Variants in ASAH1 observed in about 807,000 individuals in gnomAD.
ASAH1 encodes acid ceramidase.
Under a neutral mutation model 59.5 loss-of-function variants are expected in ASAH1, and 70 were observed. The ratio of observed to expected loss-of-function variants is 1.18; its 90% confidence interval spans 0.97 to 1.43. The LOEUF (loss-of-function observed/expected upper bound fraction) is 1.43, where lower values mean the gene tolerates loss of function less well. Among genes scored for constraint, ASAH1 ranks in the 40% most tolerant of loss-of-function variants. The pLI is 0.00. For missense variants in ASAH1, 660 were observed against 482.5 expected (o/e 1.37, Z -3.45); for synonymous variants, 213 against 166.5 (o/e 1.28, Z -2.15).
At chr8:18,067,327 T>TA (rs1799973496) in intron 4 of ASAH1, 29 bp from the exon 5 acceptor site, 2 of 1,378,764 alleles carry the variant, frequency 1.5e-6, no homozygotes. Context: ...AATAAAAGCA[T>TA]TTAACATAAT....
At chr8:18,067,109 G>GCTGTATATCTAAGACATACAGCACCTGTC in intron 5 of ASAH1, 111 bp downstream of exon 5, 1 of 487,598 alleles carries the variant, frequency 2.1e-6, no homozygotes, top group Non-Finnish European at 2.8e-6. Flanking sequence ...GTGCACCTGT[G>GCTGTATATCTAAGACATACAGCACCTGTC]CTGTATATCT....
intron 1 of ASAH1, among the ~76,000 whole-genome samples, chr8:18,080,714 T>C (rs1231552816): frequency 2.0e-5 from 3 of 152,092 alleles, no homozygotes; most frequent in Admixed American, 2.0e-4. Flanking sequence ...TGAGCCACTA[T>C]GCCCAGCTAA....
At chr8:18,061,510 C>G (rs1278781952) in intron 9 of ASAH1, 52 bp from the exon 10 acceptor site, 1 of 1,509,568 alleles carries the variant, frequency 6.6e-7, no homozygotes, top group Non-Finnish European at 9.2e-7. Context: ...CACTATGTAA[C>G]CAGTCAGGAC....
At chr8:18,071,849 C>T (rs1334660170) in intron 2 of ASAH1, among the ~76,000 whole-genome samples, 1 of 152,174 alleles carries the variant, frequency 6.6e-6, no homozygotes, top group East Asian at 1.9e-4. Flanking sequence ...AGGAAGATCA[C>T]CTTTTAAGCC....
At chr8:18,070,443 T>C (rs915592052) in intron 3 of ASAH1, among the ~76,000 whole-genome samples, 11 of 152,066 alleles carry the variant, frequency 7.2e-5, no homozygotes, top group Non-Finnish European at 1.5e-4. Flanking sequence ...CCACCGCGCC[T>C]GGCCTAATTT....
chr8:18,083,634 G>A (rs143523976), intron 1 of ASAH1, among the ~76,000 whole-genome samples: 47 of 152,328 alleles, frequency 3.1e-4, no homozygotes, highest in African/African-American at 1.1e-3. Flanking sequence ...AATGCACACA[G>A]GTCCACCGGA....
chr8:18,061,239 CAT>C (rs1464606104), intron 10 of ASAH1, 136 bp downstream of exon 10: 19 of 694,440 alleles, frequency 2.7e-5, no homozygotes, highest in South Asian at 3.9e-5. Flanking sequence ...AGTAATTCCA[CAT>C]GAGTGTCAGA....
upstream of ASAH1, chr8:18,084,142 C>T (rs959674813): frequency 1.9e-6 from 3 of 1,571,730 alleles, no homozygotes; most frequent in Non-Finnish European, 2.6e-6. Context: ...ACGCCCCCTC[C>T]GCCGCGTGAC....
chr8:18,075,760 T>A, intron 1 of ASAH1, 173 bp from the exon 2 acceptor site: 1 of 632,668 alleles, frequency 1.6e-6, no homozygotes, highest in South Asian at 1.9e-5. Flanking sequence ...TCTAAAATCC[T>A]AAACCATTAA....
At position 18,061,692 on chromosome 8, in the gene ASAH1, A is replaced by G. The variant is rs751164282; in HGVS notation, c.697T>C (p.Tyr233His). 5.0e-6 allele frequency: 8 copies of G among 1,586,564 alleles called. No homozygotes were observed. The highest frequency in any genetic ancestry group is 1.1e-5 in the South Asian group (1 of 87,502). ...LNERFSINGG[Y>H]LGILEWILGK... ...TTGAGAATGCTCTACTTACCCAGAT[A>G]ACCACCATTTATACTGAAACGTTCA... The change falls in exon 9 of 14, where the codon TAT becomes CAT. Residue 233 changes from tyrosine to histidine, a missense_variant. Physicochemically the swap from Tyr to His is moderately conservative, Grantham distance 83. Coordinates refer to ENST00000637790, the MANE Select transcript of ASAH1 (RefSeq NM_177924.5).
chr8:18,071,226 T>C, intron 3 of ASAH1, 74 bp downstream of exon 3: 5 of 817,074 alleles, frequency 6.1e-6, no homozygotes, highest in Non-Finnish European at 8.1e-6. Flanking sequence ...AAAAAATCAA[T>C]CAATAAATAA....
intron 2 of ASAH1, 168 bp from the exon 3 acceptor site, chr8:18,071,558 G>T: frequency 3.4e-6 from 2 of 582,738 alleles, no homozygotes; most frequent in Non-Finnish European, 6.4e-6. Context: ...AGTGCTTCTA[G>T]GTTGAGAACA....
At position 18,083,749 on chromosome 8, in the gene ASAH1, G is replaced by T. The variant is rs1800761689; in HGVS notation, c.78+232C>A. 6.1e-5 allele frequency: 49 copies of T among 804,518 alleles called. No individual in the cohort carries two copies. In the South Asian group the frequency reaches 8.2e-4, roughly 13 times the overall value. The allele number at this position is 804,518 out of a possible 1,614,324, so 49.8% of individuals were successfully genotyped here. On this transcript the variant is annotated intron_variant, in intron 1 of 13. Coordinates refer to ENST00000637790, the MANE Select transcript of ASAH1 (RefSeq NM_177924.5). The stretch of plus-strand genomic sequence containing the variant: ...GAATCACACCCAGGTATCCTGCAGA[G>T]ACTAGGATTTCCTTTAAAGGAGTTC...
intron 4 of ASAH1, among the ~76,000 whole-genome samples, chr8:18,069,120 TAC>T (rs1442818838): frequency 7.9e-6 from 1 of 126,832 alleles, no homozygotes; most frequent in Non-Finnish European, 1.6e-5. Flanking sequence ...CAGCCTGGGC[TAC>T]AGAGTGAGAT....
rs2117036265 is a variant in ASAH1 at position 18,064,170 on chromosome 8, A to G, written c.457+287T>C. On this transcript the variant is annotated intron_variant, in intron 6 of 13. Transcript: ENST00000637790. ...TGCGAGCACTTCCATCAAAGCATGT[A>G]GATGGGTAGAAGTAAACTATGAGGA... The G allele has an allele frequency of 1.8e-5, 10 of 554,008 alleles. No individual in the cohort carries two copies. In the South Asian group the frequency reaches 2.3e-4, roughly 13 times the overall value. The allele number at this position is 554,008 out of a possible 1,614,324, so 34.3% of individuals were successfully genotyped here. A position where few individuals can be genotyped will look rare whatever the true frequency, so the allele number is the denominator to read the frequency against.
At chr8:18,069,681 A>G (rs1246517360) in intron 4 of ASAH1, 111 bp downstream of exon 4, 14 of 744,878 alleles carry the variant, frequency 1.9e-5, no homozygotes, top group Non-Finnish European at 3.2e-5. Context: ...AGCTAGATTC[A>G]TGCAGATTTG....
intron 2 of ASAH1, chr8:18,073,306 C>T (rs749007264): frequency 6.4e-7 from 1 of 1,558,284 alleles, no homozygotes; most frequent in Non-Finnish European, 8.8e-7. Context: ...ATAAAAAAAA[C>T]ACTTAGCAGC....
At chr8:18,062,980 C>G (rs1799771159) in intron 7 of ASAH1, 1 of 515,602 alleles carries the variant, frequency 1.9e-6, no homozygotes, top group Non-Finnish European at 3.5e-6. Flanking sequence ...AAAAAAGTCT[C>G]TGCCTCAGGC....
At chr8:18,073,312 G>T in intron 2 of ASAH1, 1 of 1,553,076 alleles carries the variant, frequency 6.4e-7, no homozygotes. Context: ...AAAACACTTA[G>T]CAGCATTGGT....
Sources: allele counts gnomAD v4.1 joint callset (sites outside exome capture counted in the v4.1 genomes callset), GRCh38; gene constraint gnomAD v4.1.1; transcripts MANE v1.5; gene names NCBI Gene and HGNC (gene_info 2026-07-23, HGNC 2026-07-21).